Variants in TOR1A observed in about 807,000 individuals in gnomAD.
TOR1A encodes torsin-1A.
In TOR1A, 18 loss-of-function variants were observed where a neutral mutation model predicts 31.4. The observed-to-expected ratio is 0.57, with a 90% CI of 0.40 to 0.85. The LOEUF is 0.85. Ranked by LOEUF, TOR1A falls within the 40% of genes least tolerant of loss-of-function variation. The pLI is 0.00. For synonymous variants in TOR1A, 168 were observed against 165.9 expected (o/e 1.01, Z -0.10); for missense variants, 375 against 416.4 (o/e 0.90, Z 0.87).
intron 2 of TOR1A, among the ~76,000 whole-genome samples, chr9:129,819,291 A>G (rs1174797639): frequency 3.9e-5 from 6 of 152,156 alleles, no homozygotes; most frequent in East Asian, 1.9e-4. Context: ...CAAAGGGGCA[A>G]TGTGGGATGT....
chr9:129,814,791 C>A (rs780583785), intron 4 of TOR1A, among the ~76,000 whole-genome samples: 1 of 152,036 alleles, frequency 6.6e-6, no homozygotes, highest in Non-Finnish European at 1.5e-5. Flanking sequence ...CTACCAGCCA[C>A]GCCTCTGTAT....
At chr9:129,815,915 C>G (rs2031024339) in intron 4 of TOR1A, among the ~76,000 whole-genome samples, 1 of 152,142 alleles carries the variant, frequency 6.6e-6, no homozygotes, top group Admixed American at 6.5e-5. Context: ...CCACGCTGGG[C>G]TCCCTGCCCC....
chr9:129,821,267 A>G (rs1456801757), intron 2 of TOR1A: 1 of 152,186 alleles, frequency 6.6e-6, no homozygotes, highest in Admixed American at 6.5e-5. Context: ...CAAGATCCAG[A>G]TGGTGCTACT....
chr9:129,819,261 A>G (rs1257820747), intron 2 of TOR1A, among the ~76,000 whole-genome samples: 1 of 152,140 alleles, frequency 6.6e-6, no homozygotes, highest in Non-Finnish European at 1.5e-5. Context: ...ATGCTGTCAG[A>G]GATGCTGCTC....
intron 2 of TOR1A, chr9:129,822,358 T>A (rs2031203761): frequency 3.1e-6 from 2 of 646,796 alleles, no homozygotes; most frequent in Non-Finnish European, 5.6e-6. Flanking sequence ...TGACCCTACA[T>A]ACTCACTGGA....
intron 2 of TOR1A, chr9:129,822,305 G>A (rs1210418392): frequency 4.1e-6 from 2 of 493,314 alleles, no homozygotes; most frequent in Non-Finnish European, 7.4e-6. Context: ...GAGATGTGTT[G>A]ATCTCTAAGA....
chr9:129,815,943 C>T lies in TOR1A; in HGVS notation c.749-1721G>A, dbSNP rs967200278. On this transcript the variant is annotated intron_variant, in intron 4 of 4. Coordinates refer to ENST00000351698, the MANE Select transcript of TOR1A (RefSeq NM_000113.3). ...CCTGCCCCTGTGGCTGTGGGTCTGT[C>T]CTCCATCCAGTTGCCAGCAAGGTCC... is the stretch of plus-strand genomic sequence containing the variant. 7.2e-4 allele frequency among the ~76,000 whole-genome samples: 109 copies of T among 152,194 alleles called. 3 individuals carry two copies. Among genetic ancestry groups the T allele is most frequent in the Admixed American group, 4.6e-4 (7 of 15,296 alleles).
rs2031217095 is a variant in TOR1A, at chr9:129,822,764, TATGAAAC to T, written c.254_260del (p.Gly85GlufsTer38). 4.3e-6 allele frequency: 7 copies of T among 1,614,190 alleles called. No individual in the cohort carries two copies. The highest frequency in any genetic ancestry group is 5.9e-6 in the Non-Finnish European group (7 of 1,180,032). On this transcript the variant is annotated frameshift_variant, in exon 2 of 5. Transcript: ENST00000351698. LOFTEE classifies it high-confidence loss of function. ...GAGGTTTCTTGGGCTTTGGGTTGTTTATGAAACCAAACACGGCATTTAAGATGATTTT... is the reference window on the plus strand; with the variant it reads ...GAGGTTTCTTGGGCTTTGGGTTGTTTCAAACACGGCATTTAAGATGATTTT...
At position 129,823,972 on chromosome 9, in the gene TOR1A, G is replaced by A. The variant is rs531641235; in HGVS notation, c.114C>T (p.Ile38=). The A allele has an allele frequency of 7.4e-6, 12 of 1,611,262 alleles. No individual in the cohort carries two copies. In the Admixed American group the frequency reaches 1.0e-4, roughly 13 times the overall value. The part of the protein sequence containing the change: ...LALAGVLTGY[I]YPRLYCLFAE... ...CGAAGAGGCAGTAGAGACGCGGGTAGATGTAGCCGGTGAGGACGCCGGCCA... is the reference window on the plus strand; with the variant it reads ...CGAAGAGGCAGTAGAGACGCGGGTAAATGTAGCCGGTGAGGACGCCGGCCA... The change falls in exon 1 of 5, where the codon ATC becomes ATT. Residue 38 remains isoleucine, a synonymous_variant. Transcript: ENST00000351698.
chr9:129,823,012 T>C (rs1457683932), intron 1 of TOR1A, among the ~76,000 whole-genome samples, 166 bp from the exon 2 acceptor site: 1 of 152,094 alleles, frequency 6.6e-6, no homozygotes, highest in East Asian at 1.9e-4. Context: ...GGGACGGCGG[T>C]CCAGGGAGCC....
At chr9:129,817,698 CA>C (rs34520229) in intron 4 of TOR1A, among the ~76,000 whole-genome samples, 24,305 of 94,390 alleles carry the variant, frequency 0.26, 2,104 homozygotes, top group Middle Eastern at 0.3. Context: ...GACTCCATCT[CA>C]AAAAAAAAAA....
rs1474442308 is a variant in TOR1A, at chr9:129,818,926, T to G, written c.445-6A>C. 4 of 1,611,998 alleles carry G rather than the reference T, an allele frequency of 2.5e-6. No homozygotes were observed. The East Asian group carries it at 8.9e-5, about 36-fold the overall frequency. On this transcript the variant is annotated splice_region_variant and splice_polypyrimidine_tract_variant and intron_variant, in intron 2 of 4. Transcript: ENST00000351698. ...ATCCACAACTGTAACTGATCCTGAA[T>G]TAAAAGGGGAAAAAGCGAACACAAA...
intron 4 of TOR1A, among the ~76,000 whole-genome samples, chr9:129,816,523 G>A (rs1482637553): frequency 1.3e-5 from 2 of 152,134 alleles, no homozygotes; most frequent in Admixed American, 1.3e-4. Context: ...GGATTGATAA[G>A]GGCAAGAATT....
chr9:129,824,064 G>T lies in TOR1A; in HGVS notation c.22C>A (p.Leu8Met), dbSNP rs751462831. The T allele has an allele frequency of 6.3e-6, 10 of 1,594,382 alleles. No homozygotes were observed. Among genetic ancestry groups the T allele is most frequent in the Non-Finnish European group, 8.5e-6 (10 of 1,173,384 alleles). Residue 8 changes from leucine to methionine, a missense_variant, in exon 1 of 5, where the codon CTG becomes ATG. Transcript: ENST00000351698. MKLGRAVLGLLLLAPSVV... is the reference protein window; with the variant it reads MKLGRAVMGLLLLAPSVV... Reference sequence around the variant, plus strand: ...GACGGCGCCAGCAGCAGCAGGCCCAGCACGGCCCGGCCCAGCTTCATGCCC... The same window carrying T: ...GACGGCGCCAGCAGCAGCAGGCCCATCACGGCCCGGCCCAGCTTCATGCCC...
Position 129,821,111 on chromosome 9 carries a change from T to C in TOR1A, c.444+1470A>G, listed in dbSNP as rs528771431. Among the ~76,000 whole-genome samples the C allele has an allele frequency of 9.0e-4, 137 of 152,268 alleles. 1 individual carries two copies. Among genetic ancestry groups the C allele is most frequent in the African/African-American group, 3.2e-3 (132 of 41,552 alleles). ...TGAGGTCAGGAGTTTGAGACCAGCC[T>C]GGCCAACAAGGTGAAACCCTGTCTC... On this transcript the variant is annotated intron_variant, in intron 2 of 4. Transcript: ENST00000351698.
chr9:129,823,490 C>CCCCCA, intron 1 of TOR1A: 1 of 170,840 alleles, frequency 5.9e-6, no homozygotes, highest in East Asian at 1.8e-4. Context: ...CTAGTGCCAT[C>CCCCCA]CCCCAGCCCC....
chr9:129,815,980 C>G (rs1268951656), intron 4 of TOR1A, among the ~76,000 whole-genome samples: 1 of 152,056 alleles, frequency 6.6e-6, no homozygotes, highest in African/African-American at 2.4e-5. Flanking sequence ...GTGAAGGCCC[C>G]GTCAGATCAC....
At chr9:129,814,270 C>A in intron 4 of TOR1A, 48 bp from the exon 5 acceptor site, 1 of 1,612,622 alleles carries the variant, frequency 6.2e-7, no homozygotes, top group Non-Finnish European at 8.5e-7. Context: ...ACCCACCTGC[C>A]CTATAGACGC....
At chr9:129,821,201 G>A (rs1268758295) in intron 2 of TOR1A, among the ~76,000 whole-genome samples, 4 of 152,148 alleles carry the variant, frequency 2.6e-5, no homozygotes, top group African/African-American at 9.7e-5. Context: ...TACTTGGGAG[G>A]CTGAGGCAGC....
Sources: gnomAD v4.1 joint callset for allele counts (sites outside exome capture counted in the v4.1 genomes callset) on GRCh38, gnomAD v4.1.1 for gene constraint, MANE v1.5 for transcripts, NCBI Gene and HGNC (gene_info 2026-07-23, HGNC 2026-07-21) for gene names.